Variants in LRRC3B observed in about 807,000 individuals in gnomAD.
LRRC3B encodes leucine-rich repeat-containing protein 3B.
Under a neutral mutation model 12.8 loss-of-function variants are expected in LRRC3B, and 2 were observed. The observed-to-expected ratio is 0.16, with a 90% confidence interval of 0.06 to 0.49. LRRC3B has a LOEUF of 0.49. Ranked by LOEUF, LRRC3B falls within the 20% of genes least tolerant of loss-of-function variation. LRRC3B has a pLI of 0.96. For synonymous variants in LRRC3B, 132 were observed against 122.0 expected (o/e 1.08, Z -0.54); for missense variants, 189 against 319.4 (o/e 0.59, Z 3.11).
chr3:26,626,793 A>T (rs560954751), intron 1 of LRRC3B, among the ~76,000 whole-genome samples: 1 of 152,320 alleles, frequency 6.6e-6, no homozygotes, highest in East Asian at 1.9e-4. Flanking sequence ...CAAATCAACA[A>T]AAATTAACTA....
At chr3:26,639,280 T>C (rs1271825627) in intron 1 of LRRC3B, among the ~76,000 whole-genome samples, 1 of 152,148 alleles carries the variant, frequency 6.6e-6, no homozygotes, top group Non-Finnish European at 1.5e-5. Context: ...TAAAATGTAT[T>C]GAATTTTACA....
intron 1 of LRRC3B, among the ~76,000 whole-genome samples, chr3:26,668,652 C>G (rs908101613): frequency 2.0e-5 from 3 of 152,098 alleles, no homozygotes; most frequent in African/African-American, 7.2e-5. Context: ...CTTTTGTTAA[C>G]TTTTTTGCTT....
rs1399435253 is a variant in LRRC3B, at chr3:26,688,395, C to A, written c.-160-21118C>A. Among the ~76,000 whole-genome samples the A allele has an allele frequency of 2.0e-5, 3 of 152,196 alleles. No individual in the cohort carries two copies. The East Asian group carries it at 5.8e-4, about 29-fold the overall frequency. ...AATAAAAAATAATGACTGTTCCCAT[C>A]TGTATTAGCCTATTCCTAGATTTCT... is the stretch of plus-strand genomic sequence containing the variant. On this transcript the variant is annotated intron_variant, in intron 1 of 1. Coordinates refer to ENST00000396641, the Ensembl canonical transcript of LRRC3B.
At chr3:26,684,942 ATTTTAT>A (rs1475521091) in intron 1 of LRRC3B, among the ~76,000 whole-genome samples, 1 of 48,088 alleles carries the variant, frequency 2.1e-5, no homozygotes, top group Non-Finnish European at 3.1e-5. Flanking sequence ...AGGTTTCTTT[ATTTTAT>A]TTTATTTTAT....
intron 1 of LRRC3B, among the ~76,000 whole-genome samples, chr3:26,631,078 A>T (rs2125400192): frequency 6.6e-6 from 1 of 152,282 alleles, no homozygotes; most frequent in East Asian, 1.9e-4. Context: ...GGTATTGGAA[A>T]GTAGAGAAGA....
At chr3:26,694,079 A>C (rs926181026) in intron 1 of LRRC3B, among the ~76,000 whole-genome samples, 1 of 152,220 alleles carries the variant, frequency 6.6e-6, no homozygotes. Context: ...ACAGTGATCA[A>C]GTGCAACTAG....
intron 1 of LRRC3B, among the ~76,000 whole-genome samples, chr3:26,650,679 A>G (rs1358995381): frequency 1.3e-5 from 2 of 152,186 alleles, no homozygotes; most frequent in Non-Finnish European, 2.9e-5. Flanking sequence ...TTACTATTAA[A>G]TTTTAATAAT....
At chr3:26,671,412 A>AGAGG (rs1559361861) in intron 1 of LRRC3B, among the ~76,000 whole-genome samples, 5 of 137,388 alleles carry the variant, frequency 3.6e-5, no homozygotes, top group African/African-American at 1.4e-4. Context: ...AGAGAGAGAG[A>AGAGG]GACGAAGTCT....
intron 1 of LRRC3B, among the ~76,000 whole-genome samples, chr3:26,645,357 T>G (rs1475958618): frequency 6.6e-6 from 1 of 152,046 alleles, no homozygotes; most frequent in African/African-American, 2.4e-5. Context: ...CTATGAGACA[T>G]AAAGATGGTC....
chr3:26,626,408 ATTAG>A (rs1404705205), intron 1 of LRRC3B, among the ~76,000 whole-genome samples: 2 of 152,174 alleles, frequency 1.3e-5, no homozygotes, highest in African/African-American at 4.8e-5. Flanking sequence ...GAGTCACATA[ATTAG>A]TTAGAGCTAA....
At chr3:26,678,875 C>T (rs1169250608) in intron 1 of LRRC3B, among the ~76,000 whole-genome samples, 1 of 151,926 alleles carries the variant, frequency 6.6e-6, no homozygotes, top group African/African-American at 2.4e-5. Flanking sequence ...AGATGTGTAC[C>T]TTTTCTCTTT....
At chr3:26,651,714 G>A (rs1422078982) in intron 1 of LRRC3B, among the ~76,000 whole-genome samples, 3 of 152,160 alleles carry the variant, frequency 2.0e-5, no homozygotes. Context: ...CCTTTCAATA[G>A]GTTACAGAAG....
Position 26,690,025 on chromosome 3 carries a change from T to C in LRRC3B, c.-160-19488T>C, listed in dbSNP as rs116165323. On this transcript the variant is annotated intron_variant, in intron 1 of 1. Transcript: ENST00000396641. ...CCCCACCTGGTTCCCCACCACCTTC[T>C]TCCTCTTACATGCTGTGACTCTGCA... 8.0e-3 allele frequency among the ~76,000 whole-genome samples: 1,224 copies of C among 152,266 alleles called. 15 individuals are homozygous for C. Among genetic ancestry groups the C allele is most frequent in the Middle Eastern group, 0.034 (10 of 294 alleles).
chr3:26,636,964 T>C (rs180725739), intron 1 of LRRC3B, among the ~76,000 whole-genome samples: 54 of 109,260 alleles, frequency 4.9e-4, no homozygotes, highest in Middle Eastern at 4.4e-3. Flanking sequence ...CTTTCTTTCT[T>C]TCTTTCTTTC....
At position 26,671,373 on chromosome 3, in the gene LRRC3B, T is replaced by TAGAGAGAGAGAGAG. The variant is rs1195473054; in HGVS notation, c.-160-38112_-160-38099dup. The stretch of plus-strand genomic sequence containing the variant: ...GTGTATATATATATATATATATATA[T>TAGAGAGAGAGAGAG]AGAGAGAGAGAGAGAGAGAGAGAGA... On this transcript the variant is annotated intron_variant, in intron 1 of 1. Coordinates refer to ENST00000396641, the Ensembl canonical transcript of LRRC3B. 4.1e-3 allele frequency among the ~76,000 whole-genome samples: 116 copies of TAGAGAGAGAGAGAG among 28,246 alleles called. 12 individuals carry two copies. The highest frequency in any genetic ancestry group is 0.01 in the East Asian group (4 of 398). The allele number at this position is 28,246 out of a possible 152,430, so 18.5% of individuals were successfully genotyped here. A position where few individuals can be genotyped will look rare whatever the true frequency, so the allele number is the denominator to read the frequency against.
At chr3:26,628,138 G>A (rs1348054523) in intron 1 of LRRC3B, among the ~76,000 whole-genome samples, 1 of 151,794 alleles carries the variant, frequency 6.6e-6, no homozygotes, top group Admixed American at 6.6e-5. Context: ...GATTCTTTGG[G>A]GTGTACCTTT....
intron 1 of LRRC3B, among the ~76,000 whole-genome samples, chr3:26,671,027 T>TG (rs1354721674): frequency 7.0e-6 from 1 of 142,870 alleles, no homozygotes; most frequent in Non-Finnish European, 1.5e-5. Context: ...TTTTTTTTTT[T>TG]TTTTTTGAGA....
chr3:26,626,381 A>T (rs1361785800), intron 1 of LRRC3B, among the ~76,000 whole-genome samples: 1 of 152,200 alleles, frequency 6.6e-6, no homozygotes, highest in African/African-American at 2.4e-5. Flanking sequence ...CTGCAAATGA[A>T]AGCCTCTCTC....
At chr3:26,689,883 T>C (rs2125448238) in intron 1 of LRRC3B, among the ~76,000 whole-genome samples, 1 of 152,258 alleles carries the variant, frequency 6.6e-6, no homozygotes, top group African/African-American at 2.4e-5. Flanking sequence ...CTCTGTCCAG[T>C]CCTCCCATCT....
Sources: allele counts gnomAD v4.1 joint callset (sites outside exome capture counted in the v4.1 genomes callset), GRCh38; gene constraint gnomAD v4.1.1; transcripts MANE v1.5; gene names NCBI Gene and HGNC (gene_info 2026-07-23, HGNC 2026-07-21).